GPHN: variants seen among roughly 807,000 people sequenced by gnomAD.
GPHN encodes gephyrin.
GPHN carries 17 observed loss-of-function variants against 95.5 expected under a neutral mutation model. The ratio of observed to expected loss-of-function variants is 0.18; its 90% CI spans 0.12 to 0.27. The LOEUF is 0.27. Ranked by LOEUF, GPHN falls within the 10% of genes least tolerant of loss-of-function variation. The pLI, the probability that GPHN is intolerant of heterozygous loss-of-function variation, is 1.00. For missense variants in GPHN, 660 were observed against 978.1 expected (o/e 0.67, Z 4.34); for synonymous variants, 320 against 322.5 (o/e 0.99, Z 0.08).
chr14:67,205,718 G>C, the GPHN span, among the ~76,000 whole-genome samples: 2 of 151,978 alleles, frequency 1.3e-5, no homozygotes, highest in Non-Finnish European at 2.9e-5. Flanking sequence ...AAAAACTTGA[G>C]AGCCAAATTT....
chr14:67,079,967 A>T (rs919284406), intron 11 of GPHN, among the ~76,000 whole-genome samples: 4 of 152,156 alleles, frequency 2.6e-5, no homozygotes, highest in Middle Eastern at 3.4e-3. Flanking sequence ...ATCATATGAT[A>T]GTTCTATTTT....
chr14:66,770,106 G>T (rs1460024225), intron 2 of GPHN, among the ~76,000 whole-genome samples: 1 of 152,028 alleles, frequency 6.6e-6, no homozygotes, highest in South Asian at 2.1e-4. Flanking sequence ...TCTCATGATT[G>T]TTGGCTGTAT....
Position 66,993,443 on chromosome 14 carries a change from T to C in GPHN, c.963+28118T>C, listed in dbSNP as rs549026667. Among the ~76,000 whole-genome samples the C allele has an allele frequency of 5.9e-4, 90 of 152,346 alleles. 1 individual carries two copies. The highest frequency in any genetic ancestry group is 3.3e-3 in the Admixed American group (50 of 15,302). On this transcript the variant is annotated intron_variant, in intron 9 of 22. Transcript: ENST00000478722. The stretch of plus-strand genomic sequence containing the variant: ...TATTAGAGTATTTTCATTTAACACA[T>C]TGCATTTTTCTATTTATTACTTCAT...
chr14:67,316,013 G>A, the GPHN span, among the ~76,000 whole-genome samples: 2 of 152,214 alleles, frequency 1.3e-5, no homozygotes, highest in Non-Finnish European at 2.9e-5. Flanking sequence ...AATGCACTAA[G>A]TTCTACAGAT....
chr14:66,703,971 AAAAG>A (rs1225740447), intron 2 of GPHN, among the ~76,000 whole-genome samples: 15 of 116,104 alleles, frequency 1.3e-4, no homozygotes, highest in African/African-American at 3.3e-4. Flanking sequence ...GCCAAAAAAA[AAAAG>A]AAAGAAAGAA....
chr14:67,200,326 A>C, the GPHN span: 4 of 653,618 alleles, frequency 6.1e-6, no homozygotes, highest in East Asian at 1.2e-4. Context: ...CTCCCTCAGT[A>C]AATTCACATT....
chr14:67,393,219 C>T, the GPHN span: 11 of 1,613,758 alleles, frequency 6.8e-6, no homozygotes, highest in Non-Finnish European at 8.5e-6. Flanking sequence ...GTGTTGCTAT[C>T]GTGCATCTTG....
At chr14:67,531,942 GAATT>G in the GPHN span, among the ~76,000 whole-genome samples, 1 of 146,952 alleles carries the variant, frequency 6.8e-6, no homozygotes, top group African/African-American at 2.5e-5. Flanking sequence ...GTGAATGAAT[GAATT>G]AATGTCTTCT....
the GPHN span, among the ~76,000 whole-genome samples, chr14:67,480,809 T>C: frequency 6.6e-6 from 1 of 152,220 alleles, no homozygotes; most frequent in South Asian, 2.1e-4. Flanking sequence ...AACCCTGCTC[T>C]TCTTGCCTCT....
the GPHN span, chr14:67,561,862 CCTGT>C: frequency 1.1e-6 from 1 of 910,578 alleles, no homozygotes; most frequent in Non-Finnish European, 1.7e-6. Flanking sequence ...AGAGCAAGAC[CCTGT>C]CTCAAAAAAA....
At chr14:67,695,807 G>T in the GPHN span, 2 of 1,070,340 alleles carry the variant, frequency 1.9e-6, no homozygotes, top group Non-Finnish European at 2.8e-6. Flanking sequence ...ACAGCCCGGG[G>T]AGCAGACCTT....
intron 13 of GPHN, among the ~76,000 whole-genome samples, chr14:67,108,172 A>G (rs2078155445): frequency 6.6e-6 from 1 of 152,200 alleles, no homozygotes; most frequent in Non-Finnish European, 1.5e-5. Flanking sequence ...AAGAAAGACA[A>G]TGGTACCTGA....
At position 66,638,006 on chromosome 14, in the gene GPHN, C is replaced by CAT. The variant is rs549903899; in HGVS notation, c.65-43090_65-43089dup. ...AAGAGAAAAAGTGTTTATTTCTGTA[C>CAT]ATATATATATATTTAAATTTTATAT... is the stretch of plus-strand genomic sequence containing the variant. On this transcript the variant is annotated intron_variant, in intron 1 of 22. Transcript: ENST00000478722. Among the ~76,000 whole-genome samples the CAT allele has an allele frequency of 3.1e-3, 472 of 151,786 alleles. 3 individuals are homozygous for CAT. Among genetic ancestry groups the CAT allele is most frequent in the African/African-American group, 0.011 (439 of 41,418 alleles).
intron 3 of GPHN, among the ~76,000 whole-genome samples, chr14:66,793,030 G>C (rs560255240): frequency 6.6e-6 from 1 of 151,210 alleles, no homozygotes; most frequent in Non-Finnish European, 1.5e-5. Flanking sequence ...GCGGTTTTCC[G>C]CCCTGGGCGG....
chr14:66,689,560 C>G (rs1184516944), intron 2 of GPHN, among the ~76,000 whole-genome samples: 1 of 152,124 alleles, frequency 6.6e-6, no homozygotes, highest in Non-Finnish European at 1.5e-5. Context: ...TAATGCTGGC[C>G]TCTTAGAATG....
the GPHN span, among the ~76,000 whole-genome samples, chr14:67,428,910 C>T: frequency 9.3e-4 from 141 of 152,310 alleles, no homozygotes; most frequent in Middle Eastern, 6.8e-3. Context: ...TCTCTTATCA[C>T]GCTCTGTAAG....
chr14:66,743,257 G>A (rs1356418442), intron 2 of GPHN, among the ~76,000 whole-genome samples: 1 of 151,028 alleles, frequency 6.6e-6, no homozygotes, highest in Non-Finnish European at 1.5e-5. Flanking sequence ...TAAAGTCCCA[G>A]TATGCCCCAC....
intron 1 of GPHN, among the ~76,000 whole-genome samples, chr14:66,516,801 G>T (rs1446397201): frequency 2.6e-5 from 4 of 152,120 alleles, no homozygotes; most frequent in Non-Finnish European, 5.9e-5. Context: ...AATCTTTAAA[G>T]TCTAATTAAT....
chr14:67,353,297 T>G, the GPHN span, among the ~76,000 whole-genome samples: 1 of 152,204 alleles, frequency 6.6e-6, no homozygotes. Flanking sequence ...ATCTGGGATC[T>G]GCCCTCCATG....
Sources: allele counts gnomAD v4.1 joint callset (sites outside exome capture counted in the v4.1 genomes callset), GRCh38; gene constraint gnomAD v4.1.1; transcripts MANE v1.5; gene names NCBI Gene and HGNC (gene_info 2026-07-23, HGNC 2026-07-21).